TSKU: variants seen among roughly 807,000 people sequenced by gnomAD.
TSKU encodes tsukushi, small leucine rich proteoglycan, also known as tsukushi.
Under a neutral mutation model 11.2 loss-of-function variants are expected in TSKU, and 4 were observed. The ratio of observed to expected loss-of-function variants is 0.36; its 90% CI spans 0.18 to 0.82. TSKU has a LOEUF of 0.82. Among genes scored for constraint, TSKU ranks in the 40% least tolerant of loss-of-function variants. The pLI is 0.50. For missense variants in TSKU, 407 were observed against 482.5 expected (o/e 0.84, Z 1.47); for synonymous variants, 220 against 232.2 (o/e 0.95, Z 0.48).
At chr11:76,785,718 C>T (rs1944305109) in intron 1 of TSKU, among the ~76,000 whole-genome samples, 1 of 152,058 alleles carries the variant, frequency 6.6e-6, no homozygotes, top group Non-Finnish European at 1.5e-5. Flanking sequence ...ATGGAGAGCT[C>T]CTGGAGGATT....
chr11:76,788,072 G>A (rs924797127), intron 1 of TSKU, among the ~76,000 whole-genome samples: 3 of 152,152 alleles, frequency 2.0e-5, no homozygotes, highest in Non-Finnish European at 2.9e-5. Context: ...TCTGCCTTGC[G>A]TTTCCAGAGC....
Position 76,796,592 on chromosome 11 carries a change from C to T in TSKU, c.976C>T (p.Pro326Ser). 6.5e-7 allele frequency: 1 copy of T among 1,527,064 alleles called. No homozygotes were observed. 94.6% of individuals were successfully genotyped at this position (1,527,064 alleles called of 1,614,324 possible). A position where few individuals can be genotyped will look rare whatever the true frequency, so the allele number is the denominator to read the frequency against. The change falls in exon 2 of 2, where the codon CCC becomes TCC. Residue 326 changes from proline (P) to serine (S), a missense_variant. Transcript: ENST00000333090. The surrounding 1 kb of genome is among the most constrained non-coding windows in gnomAD (Gnocchi z 4.1). ...GCGCCTGGTGCGGGAGGGCACCTAC[C>T]CCCGGAGGCCTGGCTCCAGCCCCAA... Reference protein sequence around the residue: ...CRRLVREGTYPRRPGSSPKVA... With the variant: ...CRRLVREGTYSRRPGSSPKVA...
Position 76,796,046 on chromosome 11 carries a change from C to T in TSKU, c.430C>T (p.Arg144Trp), listed in dbSNP as rs143993207. The change falls in exon 2 of 2, where the codon CGG (arginine) becomes TGG (tryptophan). Residue 144 changes from arginine (R) to tryptophan (W), a missense_variant. Transcript: ENST00000333090. This position sits in a 1 kb window ranked among gnomAD's most constrained non-coding sequence, Gnocchi z 4.1. Reference protein sequence around the residue: ...SDVNLSHNQLREVSVSAFTTH... With the variant: ...SDVNLSHNQLWEVSVSAFTTH... The stretch of plus-strand genomic sequence containing the variant: ...CGTGAACCTTAGCCACAACCAGCTC[C>T]GGGAGGTCTCAGTGTCTGCCTTCAC... 9.0e-5 allele frequency: 145 copies of T among 1,614,118 alleles called. No individual in the cohort carries two copies. Among genetic ancestry groups the T allele is most frequent in the South Asian group, 3.7e-4 (34 of 91,076 alleles).
In TSKU at chr11:76,795,896, A is replaced by T; in HGVS notation, c.280A>T (p.Asn94Tyr). ...TTLAGLDLSH[N>Y]LLTSISPTAF... is the part of the protein sequence containing the mutation. ...GTTGGCTGGCCTGGATCTCAGCCAC[A>T]ACCTGCTCACCAGCATCTCACCCAC... The change falls in exon 2 of 2, where the codon AAC becomes TAC. Residue 94 changes from asparagine (N) to tyrosine (Y), a missense_variant. Coordinates refer to ENST00000333090, the MANE Select transcript of TSKU (RefSeq NM_015516.4). 1 of 1,613,788 alleles carries T rather than the reference A, an allele frequency of 6.2e-7. No homozygotes were observed. Among genetic ancestry groups the T allele is most frequent in the Non-Finnish European group, 8.5e-7 (1 of 1,179,994 alleles).
At chr11:76,795,581 C>T (rs1444801232) in intron 1 of TSKU, 28 bp from the exon 2 acceptor site, 1 of 1,592,782 alleles carries the variant, frequency 6.3e-7, no homozygotes, top group South Asian at 1.1e-5. Flanking sequence ...CTGGTGCATT[C>T]ATTCCTCACC....
Position 76,797,014 on chromosome 11 carries a change from T to G in TSKU, c.*336T>G. On this transcript the variant is annotated 3_prime_UTR_variant, in exon 2 of 2. Coordinates refer to ENST00000333090, the MANE Select transcript of TSKU (RefSeq NM_015516.4). Reference sequence around the variant, plus strand: ...GGCCTGACCCGCAATGGGCAGAGGGTGGGTGGGACCCCCTGCTGCAGGGCA... The same window carrying G: ...GGCCTGACCCGCAATGGGCAGAGGGGGGGTGGGACCCCCTGCTGCAGGGCA... The G allele has an allele frequency of 7.4e-5, 15 of 201,614 alleles. No individual in the cohort carries two copies. Among genetic ancestry groups the G allele is most frequent in the Non-Finnish European group, 1.2e-4 (11 of 91,138 alleles). The allele number at this position is 201,614 out of a possible 1,614,324, so 12.5% of individuals were successfully genotyped here. A position where few individuals can be genotyped will look rare whatever the true frequency, so the allele number is the denominator to read the frequency against.
Position 76,796,711 on chromosome 11 carries a change from T to C in TSKU, c.*33T>C. ...TGTGGCCCAGGGCCACATAACAGAC[T>C]GCTGTCCTGGGCTGCCTCAGGTCCC... On this transcript the variant is annotated 3_prime_UTR_variant, in exon 2 of 2. Transcript: ENST00000333090. The surrounding 1 kb of genome is among the most constrained non-coding windows in gnomAD (Gnocchi z 4.1). 1 of 1,422,288 alleles carries C rather than the reference T, an allele frequency of 7.0e-7. No homozygotes were observed. The highest frequency in any genetic ancestry group is 2.2e-4 in the Middle Eastern group (1 of 4,640). The allele number at this position is 1,422,288 out of a possible 1,614,324, so 88.1% of individuals were successfully genotyped here. A position where few individuals can be genotyped will look rare whatever the true frequency, so the allele number is the denominator to read the frequency against.
chr11:76,791,177 A>T (rs749738149), intron 1 of TSKU, among the ~76,000 whole-genome samples: 3 of 152,238 alleles, frequency 2.0e-5, no homozygotes, highest in Non-Finnish European at 4.4e-5. Flanking sequence ...ATTTCTAAGC[A>T]GGAAAGCATT....
intron 1 of TSKU, among the ~76,000 whole-genome samples, chr11:76,794,303 C>A (rs570273653): frequency 6.6e-6 from 1 of 152,302 alleles, no homozygotes; most frequent in South Asian, 2.1e-4. Flanking sequence ...GTGGTGTGAC[C>A]ATTAGATGTG....
In TSKU at chr11:76,796,281, C is replaced by T. The variant is rs1323466988; in HGVS notation, c.665C>T (p.Pro222Leu). 17 of 1,613,262 alleles carry T rather than the reference C, an allele frequency of 1.1e-5. No individual in the cohort carries two copies. Among genetic ancestry groups the T allele is most frequent in the East Asian group, 2.2e-5 (1 of 44,874 alleles). The change falls in exon 2 of 2, where the codon CCG (proline) becomes CTG (leucine). Residue 222 changes from proline (P) to leucine (L), a missense_variant. Pro to Leu is a moderately conservative substitution (Grantham distance 98). Coordinates refer to ENST00000333090, the MANE Select transcript of TSKU (RefSeq NM_015516.4). The surrounding 1 kb of genome is among the most constrained non-coding windows in gnomAD (Gnocchi z 4.1). ...LDGNPLAVIG[P>L]GAFAGLGGLT... is the part of the protein sequence containing the mutation. ...GGGAACCCTCTAGCTGTCATTGGTCCGGGTGCCTTCGCGGGGCTGGGAGGC... is the reference window on the plus strand; with the variant it reads ...GGGAACCCTCTAGCTGTCATTGGTCTGGGTGCCTTCGCGGGGCTGGGAGGC...
chr11:76,787,602 T>A (rs1944324978), intron 1 of TSKU, among the ~76,000 whole-genome samples: 1 of 151,990 alleles, frequency 6.6e-6, no homozygotes, highest in African/African-American at 2.4e-5. Context: ...ATGGGAGAGG[T>A]TGAGAGGTGT....
At chr11:76,791,244 T>C (rs1311448435) in intron 1 of TSKU, among the ~76,000 whole-genome samples, 2 of 152,166 alleles carry the variant, frequency 1.3e-5, no homozygotes, top group African/African-American at 2.4e-5. Context: ...AAGCAGAGCA[T>C]AGAAGTTTGG....
chr11:76,796,689 G>A lies in TSKU; in HGVS notation c.*11G>A, dbSNP rs1944457606. The A allele has an allele frequency of 2.1e-6, 3 of 1,445,100 alleles. No homozygotes were observed. Among genetic ancestry groups the A allele is most frequent in the South Asian group, 3.0e-5 (2 of 66,878 alleles). 89.5% of individuals were successfully genotyped at this position (1,445,100 alleles called of 1,614,324 possible). A position where few individuals can be genotyped will look rare whatever the true frequency, so the allele number is the denominator to read the frequency against. On this transcript the variant is annotated 3_prime_UTR_variant, in exon 2 of 2. Coordinates refer to ENST00000333090, the MANE Select transcript of TSKU (RefSeq NM_015516.4). This position sits in a 1 kb window ranked among gnomAD's most constrained non-coding sequence, Gnocchi z 4.1. ...CCCACCATCTTGTGACAAATGGTGT[G>A]GCCCAGGGCCACATAACAGACTGCT...
chr11:76,782,397 A>G (rs182117171), upstream of TSKU: 144 of 151,986 alleles, frequency 9.5e-4, no homozygotes, highest in African/African-American at 3.4e-3. Flanking sequence ...CAAAGCCTCT[A>G]TCAACTCTCC....
chr11:76,787,004 A>G (rs1343854478), intron 1 of TSKU, among the ~76,000 whole-genome samples: 1 of 152,082 alleles, frequency 6.6e-6, no homozygotes, highest in Non-Finnish European at 1.5e-5. Flanking sequence ...CTCACTGGGG[A>G]CAGGAACCAA....
In TSKU at chr11:76,796,375, A is replaced by G. The variant is rs139104189; in HGVS notation, c.759A>G (p.Leu253=). The part of the protein sequence containing the change: ...PELAPSGFRE[L]PGLQVLDLSG... ...TGGCGCCCAGTGGCTTCCGTGAGCT[A>G]CCGGGCCTGCAGGTCCTGGACCTGT... The change falls in exon 2 of 2, where the codon CTA becomes CTG. Residue 253 remains leucine (L), a synonymous_variant. Coordinates refer to ENST00000333090, the MANE Select transcript of TSKU (RefSeq NM_015516.4). The surrounding 1 kb of genome is among the most constrained non-coding windows in gnomAD (Gnocchi z 4.1). The G allele has an allele frequency of 4.5e-4, 733 of 1,613,156 alleles. No individual in the cohort carries two copies. The highest frequency in any genetic ancestry group is 6.0e-4 in the Non-Finnish European group (704 of 1,179,972).
At chr11:76,795,539 G>GGTGTCTAGACTGTTGGT (rs1944427352) in intron 1 of TSKU, 70 bp from the exon 2 acceptor site, 2 of 1,536,794 alleles carry the variant, frequency 1.3e-6, no homozygotes, top group South Asian at 2.4e-5. Flanking sequence ...GTCTAGACTG[G>GGTGTCTAGACTGTTGGT]GCTCATGTCC....
At position 76,795,673 on chromosome 11, in the gene TSKU, A is replaced by C; in HGVS notation, c.57A>C (p.Pro19=). The C allele has an allele frequency of 4.3e-6, 7 of 1,613,926 alleles. No individual in the cohort carries two copies. The highest frequency in any genetic ancestry group is 5.9e-6 in the Non-Finnish European group (7 of 1,180,014). ...LAVSGAQTTR[P]CFPGCQCEVE... is the part of the protein sequence containing the mutation. ...TGAGTGGGGCCCAGACAACCCGGCC[A>C]TGCTTCCCCGGGTGCCAATGCGAGG... Residue 19 remains proline (P), a synonymous_variant, in exon 2 of 2, where the codon CCA becomes CCC. Coordinates refer to ENST00000333090, the MANE Select transcript of TSKU (RefSeq NM_015516.4).
At chr11:76,786,930 C>G (rs1038794318) in intron 1 of TSKU, among the ~76,000 whole-genome samples, 1 of 152,104 alleles carries the variant, frequency 6.6e-6, no homozygotes, top group African/African-American at 2.4e-5. Context: ...CATCTTCAGC[C>G]CCTGCCTTCC....
Sources: allele counts gnomAD v4.1 joint callset (sites outside exome capture counted in the v4.1 genomes callset), GRCh38; gene constraint gnomAD v4.1.1; non-coding constraint Gnocchi (gnomAD v3.1); transcripts MANE v1.5; gene names NCBI Gene and HGNC (gene_info 2026-07-23, HGNC 2026-07-21).